HECTD4: variants seen among roughly 807,000 people sequenced by gnomAD.
HECTD4 encodes probable E3 ubiquitin-protein ligase HECTD4.
A neutral mutation model predicts 471.5 loss-of-function variants in HECTD4; 114 were observed. That is an observed-to-expected ratio of 0.24 (90% CI 0.21 to 0.28). The LOEUF (loss-of-function observed/expected upper bound fraction) is 0.28. Among genes scored for constraint, HECTD4 ranks in the 10% least tolerant of loss-of-function variants. The pLI, the probability that HECTD4 is intolerant of heterozygous loss-of-function variation, is 1.00. For synonymous variants in HECTD4, 2,012 were observed against 2,256.0 expected, an observed-to-expected ratio of 0.89 and a Z score of 3.07; for missense variants, 3,866 against 5,651.5, an observed-to-expected ratio of 0.68 and a Z score of 10.13.
intron 24 of HECTD4, 115 bp downstream of exon 24, chr12:112,250,856 T>G: frequency 2.3e-5 from 22 of 959,280 alleles, no homozygotes; most frequent in Non-Finnish European, 3.2e-5. Context: ...ATGACACCCA[T>G]GAGATTGCCA....
intron 1 of HECTD4, among the ~76,000 whole-genome samples, chr12:112,364,415 A>G (rs1004689382): frequency 6.9e-6 from 1 of 145,352 alleles, no homozygotes; most frequent in African/African-American, 2.7e-5. Context: ...TCTCAAAAAA[A>G]AAAAAAAATA....
In HECTD4 at chr12:112,208,612, G is replaced by C; in HGVS notation, c.7886C>G (p.Ser2629Cys). The C allele has an allele frequency of 2.5e-6, 4 of 1,598,156 alleles. No individual in the cohort carries two copies. The South Asian group carries it at 3.4e-5, about 14-fold the overall frequency. The change falls in exon 51 of 76, where the codon TCC becomes TGC. Residue 2629 changes from serine to cysteine, a missense_variant. Transcript: ENST00000682272. ...TAQQQYDSDT[S>C]CHYKVELSYE... ...GCTGAGCTCGACTTTATAATGACAG[G>C]AGGTGTCACTATCATATTCTGTAAC...
At chr12:112,197,163 T>C (rs2032270956) in intron 55 of HECTD4, among the ~76,000 whole-genome samples, 1 of 152,098 alleles carries the variant, frequency 6.6e-6, no homozygotes. Flanking sequence ...CTTCCTTCCT[T>C]GGCCTCCCAA....
chr12:112,193,795 A>G lies in HECTD4; in HGVS notation c.8750-121T>C, dbSNP rs113976310. On this transcript the variant is annotated intron_variant, in intron 56 of 75. Coordinates refer to ENST00000682272, the MANE Select transcript of HECTD4 (RefSeq NM_001388303.1). The surrounding 1 kb of genome is among the most constrained non-coding windows in gnomAD (Gnocchi z 5.2). ...CCCAGATGGGAGGGTTATCCTGGATATGATGTCCTGGATAACAGATGCCGG... is the reference window on the plus strand; with the variant it reads ...CCCAGATGGGAGGGTTATCCTGGATGTGATGTCCTGGATAACAGATGCCGG... 16 of 834,046 alleles carry G rather than the reference A, an allele frequency of 1.9e-5. No homozygotes were observed. In the African/African-American group the frequency reaches 2.2e-4, roughly 11 times the overall value. The allele number at this position is 834,046 out of a possible 1,614,324, so 51.7% of individuals were successfully genotyped here.
intron 32 of HECTD4, among the ~76,000 whole-genome samples, chr12:112,242,349 A>T (rs2033659705): frequency 6.7e-6 from 1 of 150,248 alleles, no homozygotes; most frequent in Non-Finnish European, 1.5e-5. Context: ...GTGGTGGCTC[A>T]TGCCTTTAAT....
intron 34 of HECTD4, 71 bp downstream of exon 34, chr12:112,238,981 T>TA: frequency 7.0e-7 from 1 of 1,432,942 alleles, no homozygotes; most frequent in South Asian, 1.4e-5. Flanking sequence ...TCATTTAGCA[T>TA]AAAAAAACCA....
chr12:112,364,450 C>A (rs548268955), intron 1 of HECTD4, among the ~76,000 whole-genome samples: 102 of 151,858 alleles, frequency 6.7e-4, no homozygotes, highest in East Asian at 4.5e-3. Context: ...AAAATGTATG[C>A]CAGGAGCAGC....
chr12:112,283,354 A>G, intron 7 of HECTD4, 52 bp from the exon 8 acceptor site: 4 of 1,400,776 alleles, frequency 2.9e-6, no homozygotes, highest in Non-Finnish European at 3.9e-6. Context: ...CCATTTAGTT[A>G]GCAAATTTCT....
At chr12:112,327,948 G>C (rs1213214458) in intron 1 of HECTD4, among the ~76,000 whole-genome samples, 3 of 152,118 alleles carry the variant, frequency 2.0e-5, no homozygotes, top group Admixed American at 2.0e-4. Flanking sequence ...TTAAAACTCA[G>C]GGTCACTTGG....
Position 112,162,516 on chromosome 12 carries a change from T to C in HECTD4, c.13128A>G (p.Pro4376=). 6.2e-7 allele frequency: 1 copy of C among 1,613,942 alleles called. No homozygotes were observed. Among genetic ancestry groups the C allele is most frequent in the East Asian group, 2.2e-5 (1 of 44,858 alleles). The part of the protein sequence containing the change: ...IAPPDGTAGS[P]DSRYIRVETC... ...TCTCCACGCGGATGTAGCGAGAGTC[T>C]GGGGAACCTACAAGAAACCGAGCCA... The change falls in exon 76 of 76, where the codon CCA becomes CCG. Residue 4376 remains proline, a synonymous_variant. Transcript: ENST00000682272. This position sits in a 1 kb window ranked among gnomAD's most constrained non-coding sequence, Gnocchi z 5.2.
chr12:112,208,593 C>T lies in HECTD4; in HGVS notation c.7905G>A (p.Glu2635=), dbSNP rs1175411405. 1.9e-6 allele frequency: 3 copies of T among 1,604,960 alleles called. No homozygotes were observed. The highest frequency in any genetic ancestry group is 3.5e-5 in the Admixed American group (2 of 57,454). The change falls in exon 51 of 76, where the codon GAG becomes GAA. Residue 2635 remains glutamate, a synonymous_variant. Coordinates refer to ENST00000682272, the MANE Select transcript of HECTD4 (RefSeq NM_001388303.1). ...AGGTGATGAAATTCTCATAGCTGAG[C>T]TCGACTTTATAATGACAGGAGGTGT... The part of the protein sequence containing the change: ...DSDTSCHYKV[E]LSYENFITSG...
chr12:112,170,655 G>T (rs764628104), intron 68 of HECTD4: 1 of 576,040 alleles, frequency 1.7e-6, no homozygotes, highest in Non-Finnish European at 3.0e-6. Flanking sequence ...CCAATTTCTA[G>T]AAACAATGCA....
intron 44 of HECTD4, among the ~76,000 whole-genome samples, chr12:112,224,376 C>T (rs2033174915): frequency 6.6e-6 from 1 of 151,806 alleles, no homozygotes; most frequent in Admixed American, 6.6e-5. Context: ...ACGCCATTCT[C>T]CTGCCTCAGC....
At chr12:112,218,620 T>C (rs1390043983) in intron 45 of HECTD4, among the ~76,000 whole-genome samples, 1 of 152,262 alleles carries the variant, frequency 6.6e-6, no homozygotes, top group African/African-American at 2.4e-5. Flanking sequence ...TTCCATTACA[T>C]GGCTATTGCA....
rs1251071438 is a variant in HECTD4, at chr12:112,167,454, T to C, written c.12397A>G (p.Ile4133Val). The C allele has an allele frequency of 1.2e-6, 2 of 1,613,516 alleles. No homozygotes were observed. The highest frequency in any genetic ancestry group is 1.3e-5 in the African/African-American group (1 of 75,060). ...HFLGQLLGIA[I>V]RADVPLPLDL... is the part of the protein sequence containing the mutation. ...AGGGGCAGCGGGACGTCTGCCCGAA[T>C]TGCAATCCCCAGCAGCTGCCCCAGG... The change falls in exon 72 of 76, where the codon ATT becomes GTT. Residue 4133 changes from isoleucine (I) to valine (V), a missense_variant. Coordinates refer to ENST00000682272, the MANE Select transcript of HECTD4 (RefSeq NM_001388303.1).
chr12:112,266,111 A>G, intron 14 of HECTD4, 128 bp from the exon 15 acceptor site: 1 of 631,992 alleles, frequency 1.6e-6, no homozygotes, highest in Non-Finnish European at 2.7e-6. Flanking sequence ...GGACTTATAC[A>G]AATAAGAGTG....
intron 44 of HECTD4, among the ~76,000 whole-genome samples, chr12:112,222,935 T>G (rs916383788): frequency 6.6e-6 from 1 of 152,188 alleles, no homozygotes; most frequent in Non-Finnish European, 1.5e-5. Context: ...TGACTTTGGT[T>G]ATCAATTTGG....
intron 29 of HECTD4, among the ~76,000 whole-genome samples, chr12:112,244,652 T>A (rs1383758197): frequency 6.6e-6 from 1 of 152,226 alleles, no homozygotes; most frequent in Non-Finnish European, 1.5e-5. Context: ...ATTACAGGTG[T>A]GAGCTACCAC....
At chr12:112,326,199 G>A (rs910607581) in intron 1 of HECTD4, among the ~76,000 whole-genome samples, 2 of 152,182 alleles carry the variant, frequency 1.3e-5, no homozygotes, top group African/African-American at 4.8e-5. Flanking sequence ...TACAATATCT[G>A]ATAGAAGAAC....
Sources: allele counts gnomAD v4.1 joint callset (sites outside exome capture counted in the v4.1 genomes callset), GRCh38; gene constraint gnomAD v4.1.1; non-coding constraint Gnocchi (gnomAD v3.1); transcripts MANE v1.5; gene names NCBI Gene and HGNC (gene_info 2026-07-23, HGNC 2026-07-21).